The following CSTF1 variants were observed in gnomAD, a reference collection of about 807,000 sequenced individuals.
The protein encoded by CSTF1 is cleavage stimulation factor subunit 1.
CSTF1 carries 2 observed loss-of-function variants against 40.9 expected under a neutral mutation model. The ratio of observed to expected loss-of-function variants is 0.05; its 90% CI spans 0.02 to 0.15. The LOEUF (loss-of-function observed/expected upper bound fraction) is 0.15. Among genes scored for constraint, CSTF1 ranks in the 10% least tolerant of loss-of-function variants. CSTF1 has a pLI of 1.00. For synonymous variants in CSTF1, 218 were observed against 207.2 expected, an observed-to-expected ratio of 1.05 and a Z score of -0.45; for missense variants, 279 against 558.9, an observed-to-expected ratio of 0.50 and a Z score of 5.05.
rs1444541635 is a variant in CSTF1 at position 56,402,918 on chromosome 20, A to C, written c.1037-550A>C. 1.0e-4 allele frequency among the ~76,000 whole-genome samples: 15 copies of C among 150,164 alleles called. No individual in the cohort carries two copies. The South Asian group carries it at 3.2e-3, about 32-fold the overall frequency. On this transcript the variant is annotated intron_variant, in intron 5 of 5. Coordinates refer to ENST00000217109, the MANE Select transcript of CSTF1 (RefSeq NM_001324.3). ...CCACTGCACTCCAGCCTGGCGACAGAGTGAGACTCTGTCTAAAAAAAAAAA... is the reference window on the plus strand; with the variant it reads ...CCACTGCACTCCAGCCTGGCGACAGCGTGAGACTCTGTCTAAAAAAAAAAA...
chr20:56,395,742 C>T (rs2146242601), intron 2 of CSTF1, 21 bp downstream of exon 2: 1 of 1,606,102 alleles, frequency 6.2e-7, no homozygotes, highest in East Asian at 2.2e-5. Flanking sequence ...AACACAAATC[C>T]ATACGTCCCA....
chr20:56,400,955 C>G (rs1374089875), intron 5 of CSTF1, among the ~76,000 whole-genome samples: 1 of 152,110 alleles, frequency 6.6e-6, no homozygotes, highest in East Asian at 1.9e-4. Context: ...AGGAGAATAG[C>G]TTGAACCTGG....
chr20:56,396,044 A>C, intron 2 of CSTF1: 1 of 207,834 alleles, frequency 4.8e-6, no homozygotes, highest in Non-Finnish European at 9.5e-6. Context: ...TCCTAAAATA[A>C]TCCGACCCTT....
rs568351281 is a variant in CSTF1, at chr20:56,399,065, C to T, written c.744C>T (p.Thr248=). ...CTCTTCGCCTTTATGATATCAACAC[C>T]TTTCAATGTTTTGTCTCTTGCAATC... is the stretch of plus-strand genomic sequence containing the variant. ...HPTLRLYDIN[T]FQCFVSCNPQ... Residue 248 remains threonine (T), a synonymous_variant, in exon 5 of 6, where the codon ACC becomes ACT. Transcript: ENST00000217109. The surrounding 1 kb of genome is among the most constrained non-coding windows in gnomAD (Gnocchi z 4.6). 1.9e-6 allele frequency: 3 copies of T among 1,614,160 alleles called. No individual in the cohort carries two copies. The highest frequency in any genetic ancestry group is 1.1e-5 in the South Asian group (1 of 91,080).
chr20:56,398,871 T>C lies in CSTF1; in HGVS notation c.646-96T>C, dbSNP rs781729876. The C allele has an allele frequency of 3.9e-5, 46 of 1,182,520 alleles. 1 individual carries two copies. Among genetic ancestry groups the C allele is most frequent in the Non-Finnish European group, 4.9e-5 (41 of 843,140 alleles). The allele number at this position is 1,182,520 out of a possible 1,614,324, so 73.3% of individuals were successfully genotyped here. A position where few individuals can be genotyped will look rare whatever the true frequency, so the allele number is the denominator to read the frequency against. The stretch of plus-strand genomic sequence containing the variant: ...CCTGTGTAATATCTAATAATTGTTT[T>C]ATAGATTCTTTTCATCAGCCAGATA... On this transcript the variant is annotated intron_variant, in intron 4 of 5. Coordinates refer to ENST00000217109, the MANE Select transcript of CSTF1 (RefSeq NM_001324.3).
intron 5 of CSTF1, among the ~76,000 whole-genome samples, chr20:56,402,711 T>C (rs1376517549): frequency 6.6e-6 from 1 of 152,110 alleles, no homozygotes; most frequent in Admixed American, 6.5e-5. Flanking sequence ...CCGAAGCAGG[T>C]GGATCACAAG....
chr20:56,394,874 C>G (rs1030670144), intron 1 of CSTF1, among the ~76,000 whole-genome samples: 5 of 151,878 alleles, frequency 3.3e-5, no homozygotes, highest in African/African-American at 1.2e-4. Context: ...ATTGTTTTGA[C>G]CTTGATTGGC....
intron 5 of CSTF1, among the ~76,000 whole-genome samples, chr20:56,400,162 C>G (rs1214365473): frequency 6.6e-6 from 1 of 152,118 alleles, no homozygotes; most frequent in African/African-American, 2.4e-5. Context: ...TTGGAAGGGA[C>G]TGGATTGTGT....
intron 2 of CSTF1, among the ~76,000 whole-genome samples, chr20:56,396,759 T>G (rs6069726): frequency 6.6e-6 from 1 of 151,942 alleles, no homozygotes; most frequent in African/African-American, 2.4e-5. Context: ...CAGTTTTTTT[T>G]AAATAACTTT....
At chr20:56,400,962 C>G (rs1315177849) in intron 5 of CSTF1, among the ~76,000 whole-genome samples, 35 of 152,080 alleles carry the variant, frequency 2.3e-4, no homozygotes, top group Admixed American at 2.3e-3. Flanking sequence ...TAGCTTGAAC[C>G]TGGGAGGTGG....
Position 56,399,287 on chromosome 20 carries a change from C to G in CSTF1, c.966C>G (p.Leu322=), listed in dbSNP as rs779119672. The change falls in exon 5 of 6, where the codon CTC becomes CTG. Residue 322 remains leucine, a synonymous_variant. Transcript: ENST00000217109. The surrounding 1 kb of genome is among the most constrained non-coding windows in gnomAD (Gnocchi z 4.6). ...AIFSKNSKYI[L]SSGKDSVAKL... is the part of the protein sequence containing the mutation. The stretch of plus-strand genomic sequence containing the variant: ...TTTCCAAAAATTCTAAATACATTCT[C>G]TCAAGTGGAAAAGACTCTGTAGCTA... 109 of 1,614,002 alleles carry G rather than the reference C, an allele frequency of 6.8e-5. 1 individual carries two copies. In the South Asian group the frequency reaches 1.2e-3, roughly 17 times the overall value.
At position 56,399,055 on chromosome 20, in the gene CSTF1, A is replaced by G. The variant is rs201027648; in HGVS notation, c.734A>G (p.Asp245Gly). ...CAGCATCCTACTCTTCGCCTTTATG[A>G]TATCAACACCTTTCAATGTTTTGTC... ...GTQHPTLRLY[D>G]INTFQCFVSC... is the part of the protein sequence containing the mutation. The change falls in exon 5 of 6, where the codon GAT becomes GGT. Residue 245 changes from aspartate to glycine, a missense_variant. By Grantham distance (94) the Asp-to-Gly change is moderately conservative. Transcript: ENST00000217109. This position sits in a 1 kb window ranked among gnomAD's most constrained non-coding sequence, Gnocchi z 4.6. 1 of 1,614,150 alleles carries G rather than the reference A, an allele frequency of 6.2e-7. No homozygotes were observed. The highest frequency in any genetic ancestry group is 2.2e-5 in the East Asian group (1 of 44,878).
At chr20:56,396,001 T>C (rs1436298667) in intron 2 of CSTF1, 4 of 294,604 alleles carry the variant, frequency 1.4e-5, no homozygotes, top group Non-Finnish European at 2.5e-5. Flanking sequence ...CTTCAGATTT[T>C]ACATCAAATG....
In CSTF1 at chr20:56,399,674, T is replaced by TG. The variant is rs1367341485; in HGVS notation, c.1036+318dup. Among the ~76,000 whole-genome samples the TG allele has an allele frequency of 9.2e-5, 14 of 152,202 alleles. No homozygotes were observed. Among genetic ancestry groups the TG allele is most frequent in the Non-Finnish European group, 1.8e-4 (12 of 68,034 alleles). On this transcript the variant is annotated intron_variant, in intron 5 of 5. Coordinates refer to ENST00000217109, the MANE Select transcript of CSTF1 (RefSeq NM_001324.3). This position sits in a 1 kb window ranked among gnomAD's most constrained non-coding sequence, Gnocchi z 4.6. ...GGCATGCCCTCTTCCCACAGAAATG[T>TG]GAAAGCAATCCAGAGAAAAGTTTCC...
In CSTF1 at chr20:56,406,013, G is replaced by A. The variant is rs533895703; in HGVS notation, c.*2286G>A. On this transcript the variant is annotated 3_prime_UTR_variant, in exon 6 of 6. Transcript: ENST00000217109. ...TAATGCCCATGTTTTACAGTTTTTC[G>A]AGTAGTCTCAGCAATGGATCTGTAG... 2.6e-5 allele frequency: 4 copies of A among 152,262 alleles called. No homozygotes were observed. Among genetic ancestry groups the A allele is most frequent in the African/African-American group, 4.8e-5 (2 of 41,554 alleles). The allele number at this position is 152,262 out of a possible 1,614,324, so 9.4% of individuals were successfully genotyped here.
At chr20:56,395,944 T>C in intron 2 of CSTF1, 1 of 472,510 alleles carries the variant, frequency 2.1e-6, no homozygotes. Context: ...CCTGAGGGTC[T>C]TTGTACACAT....
chr20:56,401,779 A>C (rs780901182), intron 5 of CSTF1, among the ~76,000 whole-genome samples: 8 of 152,210 alleles, frequency 5.3e-5, no homozygotes. Flanking sequence ...GCATTCTCTT[A>C]TTCTTAATCC....
chr20:56,396,722 A>G (rs1987528554), intron 2 of CSTF1, among the ~76,000 whole-genome samples: 2 of 152,180 alleles, frequency 1.3e-5, no homozygotes, highest in Non-Finnish European at 2.9e-5. Flanking sequence ...GTTATTTATA[A>G]ATTTTAAATG....
At position 56,401,938 on chromosome 20, in the gene CSTF1, G is replaced by A. The variant is rs75088147; in HGVS notation, c.1037-1530G>A. On this transcript the variant is annotated intron_variant, in intron 5 of 5. Transcript: ENST00000217109. ...ACTTTGTGTTTTTATCCACTAAGCT[G>A]TATTCTGTCTTTACAGATCTGCACT... 2.0e-5 allele frequency among the ~76,000 whole-genome samples: 3 copies of A among 152,268 alleles called. No homozygotes were observed. In the East Asian group the frequency reaches 5.8e-4, roughly 29 times the overall value.
Sources: allele counts gnomAD v4.1 joint callset (sites outside exome capture counted in the v4.1 genomes callset), GRCh38; gene constraint gnomAD v4.1.1; non-coding constraint Gnocchi (gnomAD v3.1); transcripts MANE v1.5; gene names NCBI Gene and HGNC (gene_info 2026-07-23, HGNC 2026-07-21).